PRPF18: variants seen among roughly 807,000 people sequenced by gnomAD.
The protein encoded by PRPF18 is pre-mRNA processing factor 18.
A neutral mutation model predicts 46.5 loss-of-function variants in PRPF18; 38 were observed. The observed-to-expected ratio is 0.82, with a 90% CI of 0.63 to 1.07. PRPF18 has a LOEUF of 1.07. Among genes scored for constraint, PRPF18 ranks in the 50% least tolerant of loss-of-function variants. The pLI, the probability that PRPF18 is intolerant of heterozygous loss-of-function variation, is 0.00. For missense variants in PRPF18, 263 were observed against 410.0 expected (o/e 0.64, Z 3.10); for synonymous variants, 152 against 146.7 (o/e 1.04, Z -0.26).
chr10:13,589,274 G>C (rs572622538), intron 1 of PRPF18, among the ~76,000 whole-genome samples: 2 of 152,194 alleles, frequency 1.3e-5, no homozygotes, highest in Non-Finnish European at 2.9e-5. Flanking sequence ...ATGGTTTGCC[G>C]GGTGTTCTTA....
chr10:13,587,294 C>G (rs922445380), intron 1 of PRPF18, 142 bp downstream of exon 1: 1 of 833,952 alleles, frequency 1.2e-6, no homozygotes, highest in Non-Finnish European at 2.0e-6. Flanking sequence ...CCTGGTAGGC[C>G]CCCTTAGATC....
the PRPF18 span, chr10:13,641,720 A>G: frequency 6.6e-6 from 1 of 152,242 alleles, no homozygotes; most frequent in Non-Finnish European, 1.5e-5. Flanking sequence ...CCACTTCTTC[A>G]CACTCCAAAG....
At chr10:13,595,293 A>C (rs2080017541) in intron 1 of PRPF18, among the ~76,000 whole-genome samples, 1 of 152,214 alleles carries the variant, frequency 6.6e-6, no homozygotes, top group Admixed American at 6.5e-5. Context: ...TCTAGGCTTG[A>C]GATTTTGTTA....
chr10:13,592,535 A>G (rs1396009585), intron 1 of PRPF18, among the ~76,000 whole-genome samples: 1 of 152,208 alleles, frequency 6.6e-6, no homozygotes, highest in African/African-American at 2.4e-5. Flanking sequence ...TGAAATAATC[A>G]GTACTTAGCT....
chr10:13,613,564 C>A, intron 6 of PRPF18, among the ~76,000 whole-genome samples, 177 bp from the exon 7 acceptor site: 1 of 152,200 alleles, frequency 6.6e-6, no homozygotes, highest in East Asian at 1.9e-4. Flanking sequence ...GGTACTACTT[C>A]AAAGCATTAT....
At chr10:13,595,955 C>T (rs1041681923) in intron 1 of PRPF18, among the ~76,000 whole-genome samples, 3 of 152,166 alleles carry the variant, frequency 2.0e-5, no homozygotes, top group Non-Finnish European at 4.4e-5. Context: ...TATGATCACA[C>T]CCAACAAAAT....
intron 6 of PRPF18, among the ~76,000 whole-genome samples, chr10:13,613,363 A>G (rs934629403): frequency 6.6e-6 from 1 of 152,168 alleles, no homozygotes; most frequent in African/African-American, 2.4e-5. Context: ...TGGTCTCTAC[A>G]GCATATGTAG....
intron 6 of PRPF18, among the ~76,000 whole-genome samples, chr10:13,612,188 T>C (rs2080278750): frequency 6.6e-6 from 1 of 152,128 alleles, no homozygotes; most frequent in South Asian, 2.1e-4. Flanking sequence ...TCTGCTTTTC[T>C]TGTGGCATAT....
intron 9 of PRPF18, among the ~76,000 whole-genome samples, chr10:13,625,127 A>G (rs542855789): frequency 6.6e-6 from 1 of 152,256 alleles, no homozygotes; most frequent in African/African-American, 2.4e-5. Flanking sequence ...TGAGACCGGG[A>G]GTTCTAGACC....
rs1266218318 is a variant in PRPF18 at position 13,611,825 on chromosome 10, C to G, written c.579+142C>G. 8 of 641,766 alleles carry G rather than the reference C, an allele frequency of 1.2e-5. No homozygotes were observed. In the African/African-American group the frequency reaches 1.3e-4, roughly 10 times the overall value. The allele number at this position is 641,766 out of a possible 1,614,324, so 39.8% of individuals were successfully genotyped here. ...CACATACATGATGTTTATGATATCA[C>G]TATGCACTTGATGTAGCAGTTAGTA... On this transcript the variant is annotated intron_variant, in intron 6 of 9. Coordinates refer to ENST00000378572, the MANE Select transcript of PRPF18 (RefSeq NM_003675.4).
chr10:13,654,112 TGAAATGCTGTCTG>T, the PRPF18 span: 1 of 522,290 alleles, frequency 1.9e-6, no homozygotes, highest in Non-Finnish European at 3.3e-6. Context: ...CAAACCGAAA[TGAAATGCTGTCTG>T]GAAATCTTAC....
At chr10:13,646,941 G>C in the PRPF18 span, 3 of 970,470 alleles carry the variant, frequency 3.1e-6, no homozygotes, top group Non-Finnish European at 3.7e-6. Context: ...GCTCACACGA[G>C]GGTCCCGGGC....
At chr10:13,611,183 T>C (rs1048600818) in intron 5 of PRPF18, among the ~76,000 whole-genome samples, 9 of 138,340 alleles carry the variant, frequency 6.5e-5, no homozygotes, top group African/African-American at 1.8e-4. Flanking sequence ...CAACCAGTTG[T>C]GGGCTTTTTT....
intron 4 of PRPF18, among the ~76,000 whole-genome samples, chr10:13,609,149 G>A (rs927184331): frequency 4.6e-5 from 7 of 152,202 alleles, no homozygotes; most frequent in Admixed American, 6.5e-5. Context: ...AATGTGCACC[G>A]TGCTCCAGTA....
the PRPF18 span, chr10:13,638,039 A>G: frequency 1.3e-5 from 2 of 152,224 alleles, no homozygotes; most frequent in African/African-American, 4.8e-5. Context: ...AGTTAAAACA[A>G]CTTGTCCTCT....
intron 4 of PRPF18, among the ~76,000 whole-genome samples, chr10:13,606,115 T>A (rs1816299249): frequency 6.6e-6 from 1 of 151,808 alleles, no homozygotes; most frequent in South Asian, 2.1e-4. Context: ...AAACCTGTCA[T>A]CCTGCAGCTG....
intron 4 of PRPF18, among the ~76,000 whole-genome samples, chr10:13,609,646 C>A (rs1391504529): frequency 1.3e-5 from 2 of 152,146 alleles, no homozygotes; most frequent in African/African-American, 2.4e-5. Context: ...TTTGGGAGTT[C>A]ACAGTAGTTG....
intron 1 of PRPF18, among the ~76,000 whole-genome samples, chr10:13,593,433 G>GT (rs1183642312): frequency 6.6e-6 from 1 of 152,158 alleles, no homozygotes; most frequent in Non-Finnish European, 1.5e-5. Flanking sequence ...CCCCAAGGAG[G>GT]TTTTTTCAGT....
chr10:13,592,190 C>T, intron 1 of PRPF18: 1 of 624,382 alleles, frequency 1.6e-6, no homozygotes, highest in Non-Finnish European at 3.0e-6. Context: ...CAGGGTTGTG[C>T]TGCAATGGGG....
Sources: allele counts gnomAD v4.1 joint callset (sites outside exome capture counted in the v4.1 genomes callset), GRCh38; gene constraint gnomAD v4.1.1; transcripts MANE v1.5; gene names NCBI Gene and HGNC (gene_info 2026-07-23, HGNC 2026-07-21).